The following ELMO1 variants were observed in gnomAD, a reference collection of about 807,000 sequenced individuals.
The protein encoded by ELMO1 is engulfment and cell motility protein 1.
ELMO1 carries 26 observed loss-of-function variants against 98.9 expected under a neutral mutation model. That is an observed-to-expected ratio of 0.26 (90% CI 0.19 to 0.36). ELMO1 has a LOEUF of 0.36. Ranked by LOEUF, ELMO1 falls within the 10% of genes least tolerant of loss-of-function variation. The pLI is 1.00. For synonymous variants in ELMO1, 346 were observed against 346.0 expected, an observed-to-expected ratio of 1.00 and a Z score of 0.00; for missense variants, 627 against 935.2, an observed-to-expected ratio of 0.67 and a Z score of 4.30.
chr7:37,062,602 T>C lies in ELMO1; in HGVS notation c.1300+34017A>G, dbSNP rs562521565. Among the ~76,000 whole-genome samples the C allele has an allele frequency of 3.9e-5, 6 of 152,266 alleles. No individual in the cohort carries two copies. The East Asian group carries it at 1.2e-3, about 29-fold the overall frequency. On this transcript the variant is annotated intron_variant, in intron 15 of 21. Coordinates refer to ENST00000310758, the MANE Select transcript of ELMO1 (RefSeq NM_014800.11). ...ATCCATCTACAAAGGGAAAAGGAAA[T>C]GAAAGTGGGGAAAGGGATAAATACT... is the stretch of plus-strand genomic sequence containing the variant.
intron 16 of ELMO1, among the ~76,000 whole-genome samples, chr7:36,940,184 G>A (rs2129093955): frequency 6.6e-6 from 1 of 152,302 alleles, no homozygotes; most frequent in African/African-American, 2.4e-5. Context: ...CTTTCTAAAT[G>A]AGAACCTTGC....
chr7:37,159,439 G>A (rs1376488298), intron 13 of ELMO1, among the ~76,000 whole-genome samples: 1 of 152,184 alleles, frequency 6.6e-6, no homozygotes, highest in African/African-American at 2.4e-5. Flanking sequence ...GGTGGCTCAT[G>A]CCTGTAATTC....
chr7:37,417,173 C>T (rs1562678060), intron 1 of ELMO1, among the ~76,000 whole-genome samples: 2 of 152,096 alleles, frequency 1.3e-5, no homozygotes, highest in Non-Finnish European at 2.9e-5. Flanking sequence ...AAGACTGGAC[C>T]AGAGGCAGCT....
chr7:36,924,991 C>A (rs1785428835), intron 16 of ELMO1, among the ~76,000 whole-genome samples: 1 of 152,196 alleles, frequency 6.6e-6, no homozygotes, highest in African/African-American at 2.4e-5. Flanking sequence ...AAAGTCTGAT[C>A]ATCTCCAGTG....
At chr7:37,294,353 T>C (rs75030859) in intron 4 of ELMO1, among the ~76,000 whole-genome samples, 1 of 121,666 alleles carries the variant, frequency 8.2e-6, no homozygotes, top group South Asian at 2.5e-4. Flanking sequence ...CGAGAAGCCA[T>C]TTAAAAAAAA....
At chr7:37,259,512 C>G (rs1236297299) in intron 5 of ELMO1, among the ~76,000 whole-genome samples, 162 bp from the exon 6 acceptor site, 1 of 152,186 alleles carries the variant, frequency 6.6e-6, no homozygotes, top group Non-Finnish European at 1.5e-5. Flanking sequence ...GGCTTCCAAC[C>G]CAAACACTCC....
intron 14 of ELMO1, among the ~76,000 whole-genome samples, chr7:37,120,604 G>A (rs1046017376): frequency 4.6e-5 from 7 of 152,230 alleles, no homozygotes; most frequent in African/African-American, 1.7e-4. Context: ...GCTGAGGCTT[G>A]AGTAGGTAAA....
At chr7:37,303,832 G>A (rs1478872945) in intron 4 of ELMO1, among the ~76,000 whole-genome samples, 1 of 152,190 alleles carries the variant, frequency 6.6e-6, no homozygotes, top group African/African-American at 2.4e-5. Context: ...TCTAGAGGCA[G>A]TTGCATCTTA....
At chr7:37,377,775 G>A (rs56363637) in intron 1 of ELMO1, among the ~76,000 whole-genome samples, 38,363 of 152,040 alleles carry the variant, frequency 0.25, 5,143 homozygotes, top group Non-Finnish European at 0.31. Flanking sequence ...TGTTTGCTAT[G>A]TGGGAGAAGC....
At chr7:37,328,383 C>CAGAAAA (rs1799929203) in intron 2 of ELMO1, among the ~76,000 whole-genome samples, 1 of 64,854 alleles carries the variant, frequency 1.5e-5, no homozygotes, top group South Asian at 6.3e-4. Flanking sequence ...GACCCTGCCA[C>CAGAAAA]AAAAAAAAAA....
chr7:37,414,569 G>A (rs900968659), intron 1 of ELMO1, among the ~76,000 whole-genome samples: 1 of 152,170 alleles, frequency 6.6e-6, no homozygotes, highest in Non-Finnish European at 1.5e-5. Flanking sequence ...TGTGTTGGGG[G>A]AATCTGCCCT....
chr7:37,081,886 G>A (rs1797884443), intron 15 of ELMO1, among the ~76,000 whole-genome samples: 1 of 152,214 alleles, frequency 6.6e-6, no homozygotes, highest in African/African-American at 2.4e-5. Context: ...TTCTTCTGAT[G>A]ATGGTAATGA....
chr7:37,037,245 G>C (rs1795225680), intron 15 of ELMO1, among the ~76,000 whole-genome samples: 1 of 152,164 alleles, frequency 6.6e-6, no homozygotes, highest in Non-Finnish European at 1.5e-5. Flanking sequence ...AGTTCCTCAA[G>C]TGAGTATGTT....
intron 4 of ELMO1, among the ~76,000 whole-genome samples, chr7:37,313,476 T>C (rs1421101501): frequency 6.6e-6 from 1 of 152,156 alleles, no homozygotes; most frequent in Non-Finnish European, 1.5e-5. Context: ...CTGCCGCCCT[T>C]GGCCTCCCAA....
At chr7:36,968,222 AT>A (rs1393774478) in intron 16 of ELMO1, among the ~76,000 whole-genome samples, 1 of 152,166 alleles carries the variant, frequency 6.6e-6, no homozygotes, top group African/African-American at 2.4e-5. Flanking sequence ...GCTCACTCCA[AT>A]GACATGAGTC....
intron 16 of ELMO1, among the ~76,000 whole-genome samples, chr7:36,959,795 C>T (rs949659886): frequency 2.0e-5 from 3 of 152,218 alleles, no homozygotes; most frequent in East Asian, 3.8e-4. Flanking sequence ...ATTCTCCTGC[C>T]TCAGCCTCCC....
At chr7:36,909,942 GGAGT>G (rs1292511886) in intron 16 of ELMO1, among the ~76,000 whole-genome samples, 1 of 152,002 alleles carries the variant, frequency 6.6e-6, no homozygotes, top group Non-Finnish European at 1.5e-5. Flanking sequence ...CAAATAAATG[GGAGT>G]GAGTTACAAC....
intron 15 of ELMO1, among the ~76,000 whole-genome samples, chr7:37,047,852 T>C (rs1329061604): frequency 2.6e-5 from 4 of 151,988 alleles, no homozygotes; most frequent in Non-Finnish European, 5.9e-5. Context: ...GTTTTCTCTT[T>C]CCCAATTTTC....
At chr7:37,329,397 C>A (rs186314342) in intron 2 of ELMO1, among the ~76,000 whole-genome samples, 21 of 152,254 alleles carry the variant, frequency 1.4e-4, no homozygotes, top group African/African-American at 5.1e-4. Context: ...TTTATCATTT[C>A]TTTGTGGTGA....
Sources: allele counts gnomAD v4.1 joint callset (sites outside exome capture counted in the v4.1 genomes callset), GRCh38; gene constraint gnomAD v4.1.1; transcripts MANE v1.5; gene names NCBI Gene and HGNC (gene_info 2026-07-23, HGNC 2026-07-21).